GPC6: variants seen among roughly 807,000 people sequenced by gnomAD.
GPC6 encodes the protein glypican-6.
GPC6 carries 14 observed loss-of-function variants against 55.2 expected under a neutral mutation model. That is an observed-to-expected ratio of 0.25 (90% CI 0.17 to 0.40). The LOEUF (loss-of-function observed/expected upper bound fraction) is 0.40, where lower values mean the gene tolerates loss of function less well. Among genes scored for constraint, GPC6 ranks in the 10% least tolerant of loss-of-function variants. GPC6 has a pLI of 1.00. For missense variants in GPC6, 641 were observed against 708.5 expected (o/e 0.90, Z 1.08); for synonymous variants, 278 against 259.6 (o/e 1.07, Z -0.68).
At chr13:94,167,408 C>A (rs1054502649) in intron 4 of GPC6, among the ~76,000 whole-genome samples, 2 of 152,116 alleles carry the variant, frequency 1.3e-5, no homozygotes, top group Non-Finnish European at 2.9e-5. Flanking sequence ...GAAGATTCTT[C>A]AAAATCTCCT....
rs146601294 is a variant in GPC6, at chr13:93,997,581, A to ATGTGTGTGTGTGTG, written c.712-30135_712-30122dup. The stretch of plus-strand genomic sequence containing the variant: ...TCACATCAGCATAAAAAGACATAAT[A>ATGTGTGTGTGTGTG]TGTGTGTGTGTGTGTGTGTGTGTGT... On this transcript the variant is annotated intron_variant, in intron 3 of 8. Transcript: ENST00000377047. Among the ~76,000 whole-genome samples, 280 of 148,924 alleles carry ATGTGTGTGTGTGTG rather than the reference A, an allele frequency of 1.9e-3. 4 individuals carry two copies. The highest frequency in any genetic ancestry group is 0.016 in the East Asian group (79 of 5,018).
intron 1 of GPC6, among the ~76,000 whole-genome samples, chr13:93,251,434 C>T (rs1379584265): frequency 6.6e-6 from 1 of 152,148 alleles, no homozygotes; most frequent in African/African-American, 2.4e-5. Context: ...ATTTGTAAAA[C>T]ATTATACCCA....
intron 2 of GPC6, among the ~76,000 whole-genome samples, chr13:93,784,445 G>A (rs993215845): frequency 2.0e-5 from 3 of 152,126 alleles, no homozygotes; most frequent in African/African-American, 7.2e-5. Flanking sequence ...ATGTACTCCA[G>A]CTGAGTAGGT....
intron 4 of GPC6, among the ~76,000 whole-genome samples, chr13:94,039,275 G>A (rs988470205): frequency 5.9e-5 from 9 of 151,808 alleles, no homozygotes; most frequent in Admixed American, 5.3e-4. Context: ...TTTTATCCAG[G>A]GAATGTCAGG....
intron 3 of GPC6, among the ~76,000 whole-genome samples, chr13:94,001,559 G>A (rs1881801861): frequency 6.6e-6 from 1 of 152,054 alleles, no homozygotes; most frequent in Non-Finnish European, 1.5e-5. Context: ...TAGTGAGTAA[G>A]AATTATGACT....
chr13:94,255,798 A>G (rs1282620469), intron 4 of GPC6, among the ~76,000 whole-genome samples: 1 of 152,152 alleles, frequency 6.6e-6, no homozygotes, highest in African/African-American at 2.4e-5. Flanking sequence ...ATCAGTTTGT[A>G]TTGAAAATAA....
chr13:93,373,235 T>C (rs1383651547), intron 1 of GPC6, among the ~76,000 whole-genome samples: 1 of 152,194 alleles, frequency 6.6e-6, no homozygotes, highest in East Asian at 1.9e-4. Flanking sequence ...TTACTTTTAA[T>C]GAACCCCAAG....
intron 3 of GPC6, among the ~76,000 whole-genome samples, chr13:93,858,671 G>T (rs1375403401): frequency 1.5e-4 from 22 of 151,478 alleles, no homozygotes; most frequent in Non-Finnish European, 1.2e-4. Context: ...AGGAGGAGAA[G>T]CAAGTAACAG....
intron 4 of GPC6, among the ~76,000 whole-genome samples, chr13:94,053,600 C>T (rs1035142758): frequency 2.6e-5 from 4 of 152,054 alleles, no homozygotes; most frequent in Non-Finnish European, 5.9e-5. Context: ...CACACTTGTC[C>T]CAACATAATT....
chr13:93,688,790 G>A (rs1201173771), intron 2 of GPC6, among the ~76,000 whole-genome samples: 2 of 151,982 alleles, frequency 1.3e-5, no homozygotes, highest in East Asian at 3.9e-4. Flanking sequence ...AAGAATTAAT[G>A]TATAGATACA....
At chr13:93,251,077 T>C (rs8002099) in intron 1 of GPC6, among the ~76,000 whole-genome samples, 88,788 of 151,846 alleles carry the variant, frequency 0.58, 26,799 homozygotes, top group African/African-American at 0.71. Flanking sequence ...GAGGAAACCA[T>C]CCCCATGATT....
chr13:93,895,318 G>A lies in GPC6; in HGVS notation c.711+64773G>A, dbSNP rs1278063243. On this transcript the variant is annotated intron_variant, in intron 3 of 8. Coordinates refer to ENST00000377047, the MANE Select transcript of GPC6 (RefSeq NM_005708.5). ...AGAATTTATAGTATGAACCCTGCAT[G>A]AATTTGAGTCTGTGCTGGGCAATCA... 2.1e-5 allele frequency among the ~76,000 whole-genome samples: 3 copies of A among 145,728 alleles called. 1 individual carries two copies. In the Admixed American group the frequency reaches 2.1e-4, roughly 10 times the overall value.
intron 4 of GPC6, among the ~76,000 whole-genome samples, chr13:94,261,789 G>A (rs912973): frequency 0.55 from 84,250 of 152,046 alleles, 23,882 homozygotes; most frequent in East Asian, 0.69. Context: ...GACACTGGCA[G>A]TTAATCAGTT....
chr13:93,596,247 T>A (rs750749066), intron 2 of GPC6, among the ~76,000 whole-genome samples: 3 of 152,050 alleles, frequency 2.0e-5, no homozygotes, highest in Non-Finnish European at 4.4e-5. Context: ...AGTGCCAAAG[T>A]TCAATAGAGT....
At chr13:93,235,432 G>A (rs1333496620) in intron 1 of GPC6, among the ~76,000 whole-genome samples, 1 of 152,046 alleles carries the variant, frequency 6.6e-6, no homozygotes, top group Non-Finnish European at 1.5e-5. Context: ...GTGACATGAC[G>A]AAAGTATTGT....
In GPC6 at chr13:94,144,754, A is replaced by G. The variant is rs527256632; in HGVS notation, c.877+116860A>G. Among the ~76,000 whole-genome samples, 33 of 152,212 alleles carry G rather than the reference A, an allele frequency of 2.2e-4. No individual in the cohort carries two copies. The South Asian group carries it at 3.5e-3, about 16-fold the overall frequency. ...GTGTAATTCAGAGTGATCTTTGAGGATAGAAAGATAATGCCCAACTGAAGT... is the reference window on the plus strand; with the variant it reads ...GTGTAATTCAGAGTGATCTTTGAGGGTAGAAAGATAATGCCCAACTGAAGT... On this transcript the variant is annotated intron_variant, in intron 4 of 8. Coordinates refer to ENST00000377047, the MANE Select transcript of GPC6 (RefSeq NM_005708.5).
At chr13:94,062,394 G>A (rs1412381978) in intron 4 of GPC6, among the ~76,000 whole-genome samples, 1 of 152,054 alleles carries the variant, frequency 6.6e-6, no homozygotes, top group Non-Finnish European at 1.5e-5. Flanking sequence ...GTGACTACAG[G>A]CATGTGCCAC....
At chr13:94,326,261 A>G (rs931021772) in intron 6 of GPC6, among the ~76,000 whole-genome samples, 1 of 151,948 alleles carries the variant, frequency 6.6e-6, no homozygotes, top group African/African-American at 2.4e-5. Flanking sequence ...CAAAATAGAG[A>G]ATTATCTTAC....
intron 5 of GPC6, among the ~76,000 whole-genome samples, chr13:94,289,197 T>C (rs1202037150): frequency 6.6e-6 from 1 of 151,880 alleles, no homozygotes; most frequent in Admixed American, 6.6e-5. Flanking sequence ...TGGACCCATT[T>C]CAAGCAAAGA....
Sources: allele counts gnomAD v4.1 joint callset (sites outside exome capture counted in the v4.1 genomes callset), GRCh38; gene constraint gnomAD v4.1.1; transcripts MANE v1.5; gene names NCBI Gene and HGNC (gene_info 2026-07-23, HGNC 2026-07-21).